PPP2R1A: variants seen among roughly 807,000 people sequenced by gnomAD.
The protein encoded by PPP2R1A is protein phosphatase 2 scaffold subunit Aalpha.
A neutral mutation model predicts 67.1 loss-of-function variants in PPP2R1A; 15 were observed. That is an observed-to-expected ratio of 0.22 (90% CI 0.15 to 0.34). PPP2R1A has a LOEUF of 0.34. Among genes scored for constraint, PPP2R1A ranks in the 10% least tolerant of loss-of-function variants. The pLI, the probability that PPP2R1A is intolerant of heterozygous loss-of-function variation, is 1.00. For synonymous variants in PPP2R1A, 337 were observed against 325.0 expected, an observed-to-expected ratio of 1.04 and a Z score of -0.40; for missense variants, 369 against 775.0, an observed-to-expected ratio of 0.48 and a Z score of 6.22.
In PPP2R1A at chr19:52,212,482, A is replaced by G. The variant is rs113000229; in HGVS notation, c.504-204A>G. ...ATCTGCGAAGTGTCTCACACACACT[A>G]TTTTCATTTAAACCTCATGCGGACC... On this transcript the variant is annotated intron_variant, in intron 4 of 14. Transcript: ENST00000322088. This position sits in a 1 kb window ranked among gnomAD's most constrained non-coding sequence, Gnocchi z 4.1. The G allele has an allele frequency of 1.7e-6, 1 of 600,880 alleles. No individual in the cohort carries two copies. The allele number at this position is 600,880 out of a possible 1,614,324, so 37.2% of individuals were successfully genotyped here. A position where few individuals can be genotyped will look rare whatever the true frequency, so the allele number is the denominator to read the frequency against.
chr19:52,200,603 A>G (rs184071902), intron 1 of PPP2R1A, among the ~76,000 whole-genome samples: 1 of 152,314 alleles, frequency 6.6e-6, no homozygotes, highest in East Asian at 1.9e-4. Context: ...GCTTAACACA[A>G]CGAATTTATT....
chr19:52,190,492 G>T (rs2089443775), intron 1 of PPP2R1A, among the ~76,000 whole-genome samples: 1 of 152,152 alleles, frequency 6.6e-6, no homozygotes, highest in Non-Finnish European at 1.5e-5. Flanking sequence ...GGAGGACTCC[G>T]TGATTGGCGG....
At chr19:52,218,282 A>C (rs1457472296) in intron 9 of PPP2R1A, among the ~76,000 whole-genome samples, 1 of 152,168 alleles carries the variant, frequency 6.6e-6, no homozygotes, top group African/African-American at 2.4e-5. Flanking sequence ...AAGTTGGAGG[A>C]AATACTGTAA....
At chr19:52,191,655 C>T (rs746065340) in intron 1 of PPP2R1A, among the ~76,000 whole-genome samples, 3 of 152,202 alleles carry the variant, frequency 2.0e-5, no homozygotes, top group Non-Finnish European at 4.4e-5. Context: ...GTTAATCTCT[C>T]TAGGCCTGTT....
rs1568594511 is a variant in PPP2R1A at position 52,213,425 on chromosome 19, G to A, written c.807+315G>A. On this transcript the variant is annotated intron_variant, in intron 6 of 14. Transcript: ENST00000322088. The surrounding 1 kb of genome is among the most constrained non-coding windows in gnomAD (Gnocchi z 4.2). ...AATCAAGCTGTCCTTTCACAAAGGG[G>A]AAGACAGCCCAAAAAGGTGGGGTTT... is the stretch of plus-strand genomic sequence containing the variant. Among the ~76,000 whole-genome samples, 1 of 149,572 alleles carries A rather than the reference G, an allele frequency of 6.7e-6. No individual in the cohort carries two copies. The highest frequency in any genetic ancestry group is 1.5e-5 in the Non-Finnish European group (1 of 67,640).
rs1193530446 is a variant in PPP2R1A, at chr19:52,219,254, C to CTTTA, written c.1129-425_1129-422dup. Among the ~76,000 whole-genome samples, 1 of 152,168 alleles carries CTTTA rather than the reference C, an allele frequency of 6.6e-6. No individual in the cohort carries two copies. Among genetic ancestry groups the CTTTA allele is most frequent in the Admixed American group, 6.5e-5 (1 of 15,280 alleles). ...TGGTTATTGATTCATTTCAGTGCTC[C>CTTTA]TTTATTTATTTATTTTTTTAGACTA... is the stretch of plus-strand genomic sequence containing the variant. On this transcript the variant is annotated intron_variant, in intron 9 of 14. Transcript: ENST00000322088. This position sits in a 1 kb window ranked among gnomAD's most constrained non-coding sequence, Gnocchi z 4.0.
intron 2 of PPP2R1A, among the ~76,000 whole-genome samples, chr19:52,204,341 T>C (rs2089581231): frequency 6.6e-6 from 1 of 152,198 alleles, no homozygotes; most frequent in African/African-American, 2.4e-5. Context: ...AGAGTCACTC[T>C]GGGGTCTGGG....
chr19:52,225,024 T>TC (rs1168366488), intron 13 of PPP2R1A, among the ~76,000 whole-genome samples: 1 of 146,238 alleles, frequency 6.8e-6, no homozygotes, highest in African/African-American at 2.6e-5. Context: ...TTTTTTTTTT[T>TC]TTTTTTTTTT....
chr19:52,203,291 A>G (rs2089570072), intron 2 of PPP2R1A, among the ~76,000 whole-genome samples: 2 of 152,198 alleles, frequency 1.3e-5, no homozygotes, highest in East Asian at 1.9e-4. Context: ...GTCTGCTCGT[A>G]TGACACTGAA....
In PPP2R1A at chr19:52,229,478, G is replaced by A. The variant is rs1979446984; in HGVS notation, c.*3497G>A. 1 of 152,102 alleles carries A rather than the reference G, an allele frequency of 6.6e-6. No homozygotes were observed. Among genetic ancestry groups the A allele is most frequent in the South Asian group, 2.1e-4 (1 of 4,806 alleles). The allele number at this position is 152,102 out of a possible 1,614,324, so 9.4% of individuals were successfully genotyped here. On this transcript the variant is annotated 3_prime_UTR_variant, in exon 15 of 15. Transcript: ENST00000322088. ...TAATAATTCAGGAACTTGTCAAAAA[G>A]AGAAAATCCAATAAAGATTTAGTGC...
intron 1 of PPP2R1A, among the ~76,000 whole-genome samples, chr19:52,195,643 T>C (rs547800844): frequency 6.6e-6 from 1 of 152,280 alleles, no homozygotes; most frequent in South Asian, 2.1e-4. Flanking sequence ...TTGGGTTTGA[T>C]TAATATGCTA....
chr19:52,208,464 T>G (rs375122411), intron 3 of PPP2R1A, among the ~76,000 whole-genome samples: 4 of 151,204 alleles, frequency 2.6e-5, no homozygotes, highest in African/African-American at 9.7e-5. Flanking sequence ...CCACCGTGCC[T>G]GGGTGTGAGG....
chr19:52,204,293 T>C (rs2089580543), intron 2 of PPP2R1A, among the ~76,000 whole-genome samples: 1 of 152,198 alleles, frequency 6.6e-6, no homozygotes, highest in Non-Finnish European at 1.5e-5. Context: ...ATTGGCAGAT[T>C]GAAATGAAAG....
intron 13 of PPP2R1A, among the ~76,000 whole-genome samples, chr19:52,225,103 C>T (rs911221398): frequency 1.3e-5 from 2 of 149,896 alleles, no homozygotes; most frequent in African/African-American, 2.5e-5. Context: ...CCACAACCTC[C>T]GCCTCCCAGG....
intron 1 of PPP2R1A, among the ~76,000 whole-genome samples, chr19:52,193,115 G>A (rs566054231): frequency 7.2e-5 from 11 of 152,350 alleles, no homozygotes; most frequent in African/African-American, 2.6e-4. Context: ...ATCACTCTTT[G>A]AAGTAGGTCC....
chr19:52,210,827 A>G (rs1266669091), intron 3 of PPP2R1A, among the ~76,000 whole-genome samples: 1 of 152,196 alleles, frequency 6.6e-6, no homozygotes, highest in Non-Finnish European at 1.5e-5. Context: ...CTTGCTTTAT[A>G]GAATTCAGTG....
intron 6 of PPP2R1A, among the ~76,000 whole-genome samples, chr19:52,214,926 A>G (rs974755708): frequency 2.0e-5 from 3 of 152,132 alleles, no homozygotes; most frequent in Admixed American, 6.6e-5. Context: ...GGGTTTCACC[A>G]TGTTGGCCAG....
At chr19:52,218,034 A>AT (rs1311427786) in intron 9 of PPP2R1A, among the ~76,000 whole-genome samples, 2 of 152,198 alleles carry the variant, frequency 1.3e-5, no homozygotes, top group Non-Finnish European at 2.9e-5. Flanking sequence ...ACTAAGTGGT[A>AT]TGTAGAGATG....
At chr19:52,190,415 C>G (rs991892330) in intron 1 of PPP2R1A, 2 of 566,876 alleles carry the variant, frequency 3.5e-6, no homozygotes, top group African/African-American at 3.9e-5. Context: ...GCCCTGTGCG[C>G]GCGGCGGTCC....
Sources: allele counts gnomAD v4.1 joint callset (sites outside exome capture counted in the v4.1 genomes callset), GRCh38; gene constraint gnomAD v4.1.1; non-coding constraint Gnocchi (gnomAD v3.1); transcripts MANE v1.5; gene names NCBI Gene and HGNC (gene_info 2026-07-23, HGNC 2026-07-21).